The following NRG3 variants were observed in gnomAD, a reference collection of about 807,000 sequenced individuals.
NRG3 encodes neuregulin 3, also known as pro-neuregulin-3, membrane-bound isoform.
In NRG3, 31 loss-of-function variants were observed where a neutral mutation model predicts 66.9. The ratio of observed to expected loss-of-function variants is 0.46; its 90% CI spans 0.35 to 0.63. The LOEUF (loss-of-function observed/expected upper bound fraction) is 0.63, where lower values mean the gene tolerates loss of function less well. Ranked by LOEUF, NRG3 falls within the 20% of genes least tolerant of loss-of-function variation. NRG3 has a pLI of 0.00. For missense variants in NRG3, 910 were observed against 878.9 expected (o/e 1.04, Z -0.45); for synonymous variants, 393 against 359.4 (o/e 1.09, Z -1.06).
intron 1 of NRG3, chr10:81,877,995 T>A: frequency 6.5e-7 from 1 of 1,537,732 alleles, no homozygotes; most frequent in South Asian, 1.2e-5. Flanking sequence ...CTTGTATGCG[T>A]TGGGAGAGGA....
At chr10:82,536,979 A>G (rs1847874275) in intron 2 of NRG3, among the ~76,000 whole-genome samples, 1 of 151,940 alleles carries the variant, frequency 6.6e-6, no homozygotes, top group South Asian at 2.1e-4. Context: ...TGACATGAAT[A>G]AGCAAGCACT....
chr10:82,902,430 A>G (rs1844319669), intron 4 of NRG3, among the ~76,000 whole-genome samples: 1 of 152,016 alleles, frequency 6.6e-6, no homozygotes, highest in African/African-American at 2.4e-5. Flanking sequence ...AAGACGTAAT[A>G]GTCAAGGGGT....
intron 1 of NRG3, among the ~76,000 whole-genome samples, chr10:81,878,824 T>C (rs899735819): frequency 6.6e-6 from 1 of 152,192 alleles, no homozygotes; most frequent in Non-Finnish European, 1.5e-5. Flanking sequence ...ATTGGATACC[T>C]GAAGGCTTAT....
At chr10:82,059,405 A>G (rs149798371) in intron 1 of NRG3, among the ~76,000 whole-genome samples, 112 of 152,352 alleles carry the variant, frequency 7.4e-4, no homozygotes, top group African/African-American at 2.5e-3. Context: ...GTAATGACTA[A>G]GATAGCAAGG....
intron 1 of NRG3, among the ~76,000 whole-genome samples, chr10:82,246,533 C>T (rs999976209): frequency 7.9e-5 from 12 of 152,114 alleles, no homozygotes; most frequent in Non-Finnish European, 1.2e-4. Flanking sequence ...TTTTGGCAAA[C>T]GGTATAATTA....
intron 2 of NRG3, among the ~76,000 whole-genome samples, chr10:82,608,272 A>G (rs1247586658): frequency 2.6e-5 from 4 of 152,290 alleles, no homozygotes; most frequent in African/African-American, 7.2e-5. Context: ...TGTAGAAGAG[A>G]AATTTAATGT....
chr10:82,072,026 T>A (rs183542174), intron 1 of NRG3, among the ~76,000 whole-genome samples: 4 of 152,322 alleles, frequency 2.6e-5, no homozygotes, highest in Non-Finnish European at 5.9e-5. Flanking sequence ...CTATTTGTTC[T>A]TCCAATGGTT....
intron 1 of NRG3, among the ~76,000 whole-genome samples, chr10:82,120,246 C>T (rs1488131257): frequency 2.0e-5 from 3 of 152,040 alleles, no homozygotes; most frequent in Non-Finnish European, 4.4e-5. Context: ...CCCAGGTCCT[C>T]TCTAACTGTA....
chr10:82,567,155 A>G (rs1431061598), intron 2 of NRG3, among the ~76,000 whole-genome samples: 1 of 151,890 alleles, frequency 6.6e-6, no homozygotes, highest in Non-Finnish European at 1.5e-5. Context: ...GAAGATTTTT[A>G]TGGTCATATT....
chr10:82,405,142 A>G (rs1272272135), intron 2 of NRG3, among the ~76,000 whole-genome samples: 2 of 152,258 alleles, frequency 1.3e-5, no homozygotes, highest in Non-Finnish European at 1.5e-5. Context: ...AGTGAAAAAG[A>G]CCTCAGAAAA....
At chr10:82,588,595 C>T (rs557099397) in intron 2 of NRG3, among the ~76,000 whole-genome samples, 9 of 152,102 alleles carry the variant, frequency 5.9e-5, no homozygotes, top group South Asian at 4.2e-4. Context: ...CTCCGCCTCC[C>T]GGGTTCAAGC....
intron 4 of NRG3, among the ~76,000 whole-genome samples, chr10:82,938,664 G>A (rs1243592473): frequency 6.6e-6 from 1 of 152,214 alleles, no homozygotes; most frequent in Non-Finnish European, 1.5e-5. Flanking sequence ...TATGGAGAAG[G>A]TTGTGTGTTA....
intron 2 of NRG3, among the ~76,000 whole-genome samples, chr10:82,382,380 A>G (rs892382543): frequency 6.6e-6 from 1 of 151,968 alleles, no homozygotes; most frequent in Non-Finnish European, 1.5e-5. Context: ...TAATTATTTT[A>G]TCAGGAATCT....
chr10:82,104,839 C>G (rs566287077), intron 1 of NRG3, among the ~76,000 whole-genome samples: 1 of 152,256 alleles, frequency 6.6e-6, no homozygotes, highest in South Asian at 2.1e-4. Context: ...ACTACACACA[C>G]AGATGTTAGA....
At chr10:82,205,824 A>G (rs2075090740) in intron 1 of NRG3, among the ~76,000 whole-genome samples, 1 of 152,178 alleles carries the variant, frequency 6.6e-6, no homozygotes, top group Non-Finnish European at 1.5e-5. Flanking sequence ...AATCTTCTTC[A>G]CATGTACTCC....
intron 1 of NRG3, among the ~76,000 whole-genome samples, chr10:82,199,307 C>A (rs7905994): frequency 0.5 from 76,683 of 151,878 alleles, 21,056 homozygotes; most frequent in Middle Eastern, 0.68. Flanking sequence ...GTTTCTCAAA[C>A]CTAAACCAAA....
At chr10:82,645,063 G>A (rs117980940) in intron 2 of NRG3, among the ~76,000 whole-genome samples, 8 of 152,220 alleles carry the variant, frequency 5.3e-5, no homozygotes, top group African/African-American at 1.9e-4. Context: ...GACAAAGGTT[G>A]CCTGCCTTTT....
intron 2 of NRG3, among the ~76,000 whole-genome samples, chr10:82,387,943 A>T (rs756768905): frequency 6.6e-6 from 1 of 152,216 alleles, no homozygotes; most frequent in African/African-American, 2.4e-5. Context: ...ACAAAGTTGG[A>T]TAGCATGTTG....
intron 3 of NRG3, among the ~76,000 whole-genome samples, chr10:82,843,846 A>C (rs1051386555): frequency 6.6e-6 from 1 of 152,224 alleles, no homozygotes; most frequent in African/African-American, 2.4e-5. Context: ...AAAATGAGAC[A>C]TTAAGTAATG....
Sources: gnomAD v4.1 joint callset for allele counts (sites outside exome capture counted in the v4.1 genomes callset) on GRCh38, gnomAD v4.1.1 for gene constraint, MANE v1.5 for transcripts, NCBI Gene and HGNC (gene_info 2026-07-23, HGNC 2026-07-21) for gene names.